HS3ST3B1: variants seen among roughly 807,000 people sequenced by gnomAD.
The protein encoded by HS3ST3B1 is heparan sulfate-glucosamine 3-sulfotransferase 3B1, also known as heparan sulfate glucosamine 3-O-sulfotransferase 3B1.
HS3ST3B1 carries 13 observed loss-of-function variants against 21.3 expected under a neutral mutation model. That is an observed-to-expected ratio of 0.61 (90% CI 0.40 to 0.97). The LOEUF (loss-of-function observed/expected upper bound fraction) is 0.97. HS3ST3B1 is among the 50% of genes least tolerant of loss of function. The pLI is 0.00. For synonymous variants in HS3ST3B1, 234 were observed against 254.8 expected, an observed-to-expected ratio of 0.92 and a Z score of 0.78; for missense variants, 459 against 554.8, an observed-to-expected ratio of 0.83 and a Z score of 1.73.
At chr17:14,314,140 C>T (rs546827974) in intron 1 of HS3ST3B1, among the ~76,000 whole-genome samples, 155 of 151,940 alleles carry the variant, frequency 1.0e-3, no homozygotes, top group African/African-American at 3.5e-3. Context: ...CCACCAGGCC[C>T]GGCTCATTTT....
At chr17:14,306,276 T>C (rs915942888) in intron 1 of HS3ST3B1, among the ~76,000 whole-genome samples, 2 of 152,160 alleles carry the variant, frequency 1.3e-5, no homozygotes, top group African/African-American at 4.8e-5. Flanking sequence ...ACAGTTAGAA[T>C]CAAGGGAGTC....
chr17:14,334,218 G>A (rs1241792524), intron 1 of HS3ST3B1, among the ~76,000 whole-genome samples: 1 of 151,924 alleles, frequency 6.6e-6, no homozygotes, highest in Non-Finnish European at 1.5e-5. Context: ...GGGAGCCTGA[G>A]TCGTTTGATT....
At chr17:14,338,752 C>T (rs1489268914) in intron 1 of HS3ST3B1, among the ~76,000 whole-genome samples, 2 of 152,110 alleles carry the variant, frequency 1.3e-5, no homozygotes, top group South Asian at 2.1e-4. Flanking sequence ...CTGGCTTATA[C>T]CTTTCTTGAA....
rs1910641510 is a variant in HS3ST3B1, at chr17:14,348,612, A to G, written c.*2966A>G. On this transcript the variant is annotated 3_prime_UTR_variant, in exon 2 of 2. Coordinates refer to ENST00000360954, the MANE Select transcript of HS3ST3B1 (RefSeq NM_006041.3). Reference sequence around the variant, plus strand: ...CTTAACTTTTTAGCTGCCAGAAGACAAACCCCCTTTTCTGTTTCGGCAATT... The same window carrying G: ...CTTAACTTTTTAGCTGCCAGAAGACGAACCCCCTTTTCTGTTTCGGCAATT... 6 of 152,222 alleles carry G rather than the reference A, an allele frequency of 3.9e-5. No individual in the cohort carries two copies. The South Asian group carries it at 1.2e-3, about 31-fold the overall frequency. 9.4% of individuals were successfully genotyped at this position (152,222 alleles called of 1,614,324 possible).
chr17:14,327,500 C>T (rs981419270), intron 1 of HS3ST3B1: 5 of 152,198 alleles, frequency 3.3e-5, no homozygotes, highest in Admixed American at 6.5e-5. Flanking sequence ...AAGTTCAAGA[C>T]TTTTATGGGT....
In HS3ST3B1 at chr17:14,345,817, A is replaced by C; in HGVS notation, c.*171A>C. ...AGAGAGTTAGCTTCATAATCTGTTA[A>C]CATTCCAAAGTGTTTAACTCTAGTA... is the stretch of plus-strand genomic sequence containing the variant. On this transcript the variant is annotated 3_prime_UTR_variant, in exon 2 of 2. Transcript: ENST00000360954. 1 of 868,334 alleles carries C rather than the reference A, an allele frequency of 1.2e-6. No homozygotes were observed. Among genetic ancestry groups the C allele is most frequent in the Non-Finnish European group, 1.7e-6 (1 of 593,488 alleles). 53.8% of individuals were successfully genotyped at this position (868,334 alleles called of 1,614,324 possible).
intron 1 of HS3ST3B1, among the ~76,000 whole-genome samples, chr17:14,312,374 C>T (rs774623332): frequency 3.9e-5 from 6 of 152,194 alleles, no homozygotes; most frequent in African/African-American, 7.2e-5. Flanking sequence ...AATTCAATGC[C>T]GTGTTCCTTC....
intron 1 of HS3ST3B1, among the ~76,000 whole-genome samples, chr17:14,332,546 T>C (rs999030727): frequency 6.6e-6 from 1 of 151,876 alleles, no homozygotes; most frequent in Non-Finnish European, 1.5e-5. Flanking sequence ...GTCACCTGAG[T>C]AGGTGGAATG....
At chr17:14,326,979 C>G (rs1483472439) in intron 1 of HS3ST3B1, among the ~76,000 whole-genome samples, 1 of 149,014 alleles carries the variant, frequency 6.7e-6, no homozygotes, top group East Asian at 2.0e-4. Flanking sequence ...TTGTCCCGAG[C>G]ACAACTTCTG....
intron 1 of HS3ST3B1, chr17:14,327,550 T>G (rs758364080): frequency 2.2e-4 from 33 of 152,194 alleles, no homozygotes; most frequent in Non-Finnish European, 4.1e-4. Flanking sequence ...ATGTAATGGG[T>G]GTGATGATAC....
At chr17:14,343,897 C>CTTTTTTT (rs55786183) in intron 1 of HS3ST3B1, among the ~76,000 whole-genome samples, 1 of 144,478 alleles carries the variant, frequency 6.9e-6, no homozygotes. Flanking sequence ...TAATTTCTTT[C>CTTTTTTT]TTTTTTTTTT....
chr17:14,314,580 C>A (rs1446012479), intron 1 of HS3ST3B1, among the ~76,000 whole-genome samples: 1 of 152,204 alleles, frequency 6.6e-6, no homozygotes, highest in African/African-American at 2.4e-5. Context: ...AAAACATGCA[C>A]ATTTACTGCC....
intron 1 of HS3ST3B1, among the ~76,000 whole-genome samples, chr17:14,324,522 T>A (rs755424335): frequency 6.6e-6 from 1 of 152,156 alleles, no homozygotes; most frequent in South Asian, 2.1e-4. Flanking sequence ...AGTAGCAAAA[T>A]GTTTAGAATT....
intron 1 of HS3ST3B1, chr17:14,328,313 A>G (rs751874721): frequency 1.3e-5 from 2 of 152,212 alleles, no homozygotes; most frequent in Non-Finnish European, 1.5e-5. Context: ...TCTGTTGCAA[A>G]GGTATCGGGC....
intron 1 of HS3ST3B1, among the ~76,000 whole-genome samples, chr17:14,336,930 G>A (rs1405023556): frequency 6.6e-6 from 1 of 152,082 alleles, no homozygotes; most frequent in African/African-American, 2.4e-5. Flanking sequence ...CACATCTGGT[G>A]AGGGCCTTCT....
intron 1 of HS3ST3B1, among the ~76,000 whole-genome samples, chr17:14,326,850 G>C (rs1045114709): frequency 2.6e-5 from 4 of 151,222 alleles, no homozygotes; most frequent in Admixed American, 2.6e-4. Flanking sequence ...GAACCCGGGA[G>C]GTGGAGGTTG....
chr17:14,335,219 G>A (rs1183614633), intron 1 of HS3ST3B1, among the ~76,000 whole-genome samples: 1 of 152,126 alleles, frequency 6.6e-6, no homozygotes, highest in African/African-American at 2.4e-5. Context: ...TCTTGGGATT[G>A]GTGTGAGAAC....
At chr17:14,341,566 A>C (rs1376810517) in intron 1 of HS3ST3B1, among the ~76,000 whole-genome samples, 2 of 151,908 alleles carry the variant, frequency 1.3e-5, no homozygotes, top group African/African-American at 4.8e-5. Flanking sequence ...AGAAAACTGC[A>C]GCATGGACAG....
At position 14,341,077 on chromosome 17, in the gene HS3ST3B1, C is replaced by T. The variant is rs191370894; in HGVS notation, c.555-3951C>T. On this transcript the variant is annotated intron_variant, in intron 1 of 1. Transcript: ENST00000360954. ...ATGGGTTGTGGGACCAGCAGGCGGT[C>T]GAGCACAGTAAATCTGCCCACGGCT... is the stretch of plus-strand genomic sequence containing the variant. 3.3e-5 allele frequency among the ~76,000 whole-genome samples: 5 copies of T among 152,306 alleles called. 1 individual carries two copies. Among genetic ancestry groups the T allele is most frequent in the Admixed American group, 1.3e-4 (2 of 15,308 alleles).
Sources: gnomAD v4.1 joint callset for allele counts (sites outside exome capture counted in the v4.1 genomes callset) on GRCh38, gnomAD v4.1.1 for gene constraint, MANE v1.5 for transcripts, NCBI Gene and HGNC (gene_info 2026-07-23, HGNC 2026-07-21) for gene names.